Variants in ZNF878 observed in about 807,000 individuals in gnomAD.
ZNF878 encodes the protein zinc finger protein 878.
A neutral mutation model predicts 11.1 loss-of-function variants in ZNF878; 10 were observed. The ratio of observed to expected loss-of-function variants is 0.90; its 90% CI spans 0.56 to 1.53. The LOEUF is 1.53. Among genes scored for constraint, ZNF878 ranks in the 40% most tolerant of loss-of-function variants. The pLI is 0.00. For synonymous variants in ZNF878, 165 were observed against 209.7 expected (o/e 0.79, Z 1.84); for missense variants, 548 against 626.1 (o/e 0.88, Z 1.33).
At position 12,044,356 on chromosome 19, in the gene ZNF878, T is replaced by G; in HGVS notation, c.1045A>C (p.Ser349Arg). The G allele has an allele frequency of 6.2e-7, 1 of 1,612,712 alleles. No homozygotes were observed. The highest frequency in any genetic ancestry group is 2.2e-5 in the East Asian group (1 of 44,852). Residue 349 changes from serine to arginine, a missense_variant, in exon 4 of 4, where the codon AGT (serine) becomes CGT (arginine). Ser to Arg is a moderately radical substitution (Grantham distance 110). Coordinates refer to ENST00000547628, the MANE Select transcript of ZNF878 (RefSeq NM_001080404.3). ...TGTATTCGAAGATCCTTGACAAAAC[T>G]GAAGGCTTTCACACATTTTTTACAT... ...YECKKCVKAF[S>R]FVKDLRIHER...
intron 3 of ZNF878, chr19:12,046,112 G>A (rs997639078): frequency 4.6e-5 from 19 of 414,368 alleles, no homozygotes; most frequent in Admixed American, 4.4e-4. Context: ...CTGTGGCCCA[G>A]GCTGCCCTCC....
intron 1 of ZNF878, among the ~76,000 whole-genome samples, chr19:12,051,800 G>A (rs1441511019): frequency 6.6e-6 from 1 of 151,948 alleles, no homozygotes; most frequent in Non-Finnish European, 1.5e-5. Flanking sequence ...CCAGCTACTC[G>A]GGAGGCTGAG....
Position 12,044,675 on chromosome 19 carries a change from TAACG to T in ZNF878, c.722_725del (p.Ser241Ter). ...CAGTGTGACTTTTCTCGTGTCTTTT[TAACG>T]AACTGGGAGAAAAAAAGGCTTTCCC... On this transcript the variant is annotated frameshift_variant, in exon 4 of 4. Transcript: ENST00000547628. LOFTEE classifies it low-confidence loss of function (END_TRUNC). The T allele has an allele frequency of 6.2e-7, 1 of 1,613,896 alleles. No homozygotes were observed.
intron 3 of ZNF878, among the ~76,000 whole-genome samples, chr19:12,045,683 A>G (rs1325381752): frequency 6.6e-6 from 1 of 152,106 alleles, no homozygotes; most frequent in Non-Finnish European, 1.5e-5. Context: ...CATATCTCTT[A>G]TCAAAAAAGA....
At position 12,044,301 on chromosome 19, in the gene ZNF878, A is replaced by T. The variant is rs1432172415; in HGVS notation, c.1100T>A (p.Phe367Tyr). 7 of 1,600,642 alleles carry T rather than the reference A, an allele frequency of 4.4e-6. No individual in the cohort carries two copies. Among genetic ancestry groups the T allele is most frequent in the East Asian group, 4.5e-5 (2 of 44,184 alleles). The change falls in exon 4 of 4, where the codon TTT (phenylalanine) becomes TAT (tyrosine). Residue 367 changes from phenylalanine to tyrosine, a missense_variant. Transcript: ENST00000547628. ...GGTTTTCCCACATTGTTTACATTCAAAGGGTTTCTCTCCAGTGTGTGTCCT... is the reference window on the plus strand; with the variant it reads ...GGTTTTCCCACATTGTTTACATTCATAGGGTTTCTCTCCAGTGTGTGTCCT... ...HERTHTGEKP[F>Y]ECKQCGKTFT...
At position 12,044,980 on chromosome 19, in the gene ZNF878, T is replaced by C. The variant is rs540871429; in HGVS notation, c.421A>G (p.Lys141Glu). 2.5e-6 allele frequency: 4 copies of C among 1,614,178 alleles called. No individual in the cohort carries two copies. Among genetic ancestry groups the C allele is most frequent in the Middle Eastern group, 1.6e-4 (1 of 6,062 alleles). Reference sequence around the variant, plus strand: ...CCACATTCCTTACATTCATAAGGCTTTTCCCCAGTGTGAGTTCTTCCATGT... The same window carrying C: ...CCACATTCCTTACATTCATAAGGCTCTTCCCCAGTGTGAGTTCTTCCATGT... ...AIHGRTHTGE[K>E]PYECKECGKA... The change falls in exon 4 of 4, where the codon AAG becomes GAG. Residue 141 changes from lysine (K) to glutamate (E), a missense_variant. Coordinates refer to ENST00000547628, the MANE Select transcript of ZNF878 (RefSeq NM_001080404.3).
chr19:12,043,667 T>C (rs184280789), downstream of ZNF878: 2 of 804,572 alleles, frequency 2.5e-6, no homozygotes, highest in East Asian at 2.7e-5. Context: ...TCTCAACCTC[T>C]TCAGCTTAAG....
intron 1 of ZNF878, among the ~76,000 whole-genome samples, chr19:12,048,395 A>G (rs1359452298): frequency 6.6e-6 from 1 of 151,480 alleles, no homozygotes; most frequent in Admixed American, 6.6e-5. Context: ...GCGGGCGCCT[A>G]TAGTCCCAGC....
chr19:12,043,891 C>A lies in ZNF878; in HGVS notation c.1510G>T (p.Glu504Ter), dbSNP rs750200841. The A allele has an allele frequency of 2.6e-5, 42 of 1,614,138 alleles. 1 individual carries two copies. In the South Asian group the frequency reaches 4.6e-4, roughly 18 times the overall value. ...CATTGCTTACACTCATAGGGTTTCT[C>A]TCCAGTATGAATCCTTTCATGGTAG... ...FLYHERIHTG[E>*]KPYECKQCGK... The change falls in exon 4 of 4, where the codon GAG becomes TAG. Residue 504 changes from glutamate to a stop codon, truncating the protein, a stop_gained. Transcript: ENST00000547628. LOFTEE classifies it low-confidence loss of function (END_TRUNC).
At chr19:12,045,260 C>T in intron 3 of ZNF878, 51 bp from the exon 4 acceptor site, 1 of 1,415,096 alleles carries the variant, frequency 7.1e-7, no homozygotes. Context: ...ATTTTAATTC[C>T]TTTGCAAGTA....
intron 1 of ZNF878, among the ~76,000 whole-genome samples, chr19:12,047,684 A>G (rs527669594): frequency 6.6e-6 from 1 of 152,190 alleles, no homozygotes; most frequent in South Asian, 2.1e-4. Context: ...TGGGCTGGAC[A>G]CAGTGGCTCA....
intron 1 of ZNF878, among the ~76,000 whole-genome samples, chr19:12,051,574 C>T (rs1975552441): frequency 6.6e-6 from 1 of 151,080 alleles, no homozygotes; most frequent in African/African-American, 2.4e-5. Flanking sequence ...GAGTTCGAGA[C>T]CAGCCTGGCC....
chr19:12,043,700 C>G, downstream of ZNF878: 1 of 1,219,420 alleles, frequency 8.2e-7, no homozygotes, highest in Non-Finnish European at 1.1e-6. Context: ...CTTGGCTTCC[C>G]AAAATGCTGA....
chr19:12,048,102 A>G (rs891151626), intron 1 of ZNF878, among the ~76,000 whole-genome samples: 96 of 152,360 alleles, frequency 6.3e-4, no homozygotes, highest in Non-Finnish European at 3.5e-4. Flanking sequence ...CATGTTTGCA[A>G]CAGAATGAGG....
At chr19:12,050,093 CAT>C (rs1975535863) in intron 1 of ZNF878, among the ~76,000 whole-genome samples, 1 of 151,970 alleles carries the variant, frequency 6.6e-6, no homozygotes, top group Non-Finnish European at 1.5e-5. Context: ...GGTATGGTGG[CAT>C]GCACCTGTAG....
At chr19:12,046,583 A>G (rs1975491091) in intron 2 of ZNF878, 51 bp downstream of exon 2, 2 of 1,612,532 alleles carry the variant, frequency 1.2e-6, no homozygotes, top group African/African-American at 1.3e-5. Flanking sequence ...CTGATGAGCT[A>G]GAAACACCTG....
rs76309713 is a variant in ZNF878 at position 12,047,117 on chromosome 19, G to A, written c.4-357C>T. On this transcript the variant is annotated intron_variant, in intron 1 of 3. Transcript: ENST00000547628. ...AATTTCTGAGCAAAACAAATTTAACGTGAGCAGCCCTAAGCCTGCATATTC... is the reference window on the plus strand; with the variant it reads ...AATTTCTGAGCAAAACAAATTTAACATGAGCAGCCCTAAGCCTGCATATTC... Among the ~76,000 whole-genome samples, 778 of 152,204 alleles carry A rather than the reference G, an allele frequency of 5.1e-3. 5 individuals are homozygous for A. Among genetic ancestry groups the A allele is most frequent in the African/African-American group, 0.018 (753 of 41,506 alleles).
rs1449796849 is a variant in ZNF878 at position 12,046,637 on chromosome 19, T to A, written c.127A>T (p.Ile43Leu). 4 of 1,614,088 alleles carry A rather than the reference T, an allele frequency of 2.5e-6. No individual in the cohort carries two copies. The Admixed American group carries it at 6.7e-5, about 27-fold the overall frequency. The change falls in exon 2 of 4, where the codon ATA becomes TTA. Residue 43 changes from isoleucine to leucine, a missense_variant. Ile to Leu is a conservative substitution (Grantham distance 5, BLOSUM62 2). Coordinates refer to ENST00000547628, the MANE Select transcript of ZNF878 (RefSeq NM_001080404.3). Reference protein sequence around the residue: ...MQETLRNLTSIGKKWNNQYIE... With the variant: ...MQETLRNLTSLGKKWNNQYIE... ...GAAGTAATACTGTCATTCTTACCTA[T>A]GGAGGTCAGGTTCCTCAAGGTTTCC...
At chr19:12,045,551 G>C (rs1014939936) in intron 3 of ZNF878, among the ~76,000 whole-genome samples, 4 of 151,960 alleles carry the variant, frequency 2.6e-5, no homozygotes. Context: ...GGAGGCTGAG[G>C]CAGGAGAATA....
Sources: gnomAD v4.1 joint callset for allele counts (sites outside exome capture counted in the v4.1 genomes callset) on GRCh38, gnomAD v4.1.1 for gene constraint, MANE v1.5 for transcripts, NCBI Gene and HGNC (gene_info 2026-07-23, HGNC 2026-07-21) for gene names.